ACOXL: variants seen among roughly 807,000 people sequenced by gnomAD.
ACOXL encodes acyl-CoA oxidase like.
A neutral mutation model predicts 71.9 loss-of-function variants in ACOXL; 70 were observed. The ratio of observed to expected loss-of-function variants is 0.97; its 90% CI spans 0.80 to 1.19. ACOXL has a LOEUF of 1.19. Ranked by LOEUF, ACOXL falls within the 50% of genes most tolerant of loss-of-function variation. The probability of loss-of-function intolerance (pLI) is 0.00; values close to 1 mark genes in which losing one functional copy is unlikely to be tolerated. For missense variants in ACOXL, 703 were observed against 736.3 expected (o/e 0.95, Z 0.52); for synonymous variants, 253 against 281.6 (o/e 0.90, Z 1.02).
At chr2:110,986,000 GAA>G (rs1311849197) in intron 12 of ACOXL, among the ~76,000 whole-genome samples, 11 of 152,150 alleles carry the variant, frequency 7.2e-5, no homozygotes, top group African/African-American at 2.7e-4. Flanking sequence ...TTATTCTCAG[GAA>G]ATAATACAAA....
At chr2:111,042,454 T>C (rs1294372162) in intron 15 of ACOXL, among the ~76,000 whole-genome samples, 2 of 152,210 alleles carry the variant, frequency 1.3e-5, no homozygotes, top group Admixed American at 1.3e-4. Context: ...CCATTGGTGC[T>C]GGGTCTTGAA....
chr2:110,995,235 C>T (rs2063338564), intron 13 of ACOXL, among the ~76,000 whole-genome samples: 1 of 151,408 alleles, frequency 6.6e-6, no homozygotes, highest in South Asian at 2.1e-4. Flanking sequence ...CACAGTGGCT[C>T]ATGCCTGTAA....
At chr2:110,820,809 G>C (rs1688507816) in intron 9 of ACOXL, among the ~76,000 whole-genome samples, 1 of 152,176 alleles carries the variant, frequency 6.6e-6, no homozygotes, top group African/African-American at 2.4e-5. Context: ...TCACCAATTG[G>C]GTTGCAGAAG....
intron 11 of ACOXL, among the ~76,000 whole-genome samples, chr2:110,911,164 C>T (rs7580435): frequency 0.082 from 12,454 of 151,928 alleles, 674 homozygotes; most frequent in Middle Eastern, 0.14. Context: ...AAACAAACTA[C>T]CAAAATATAA....
chr2:110,810,519 C>CCCAT (rs1559293206), intron 9 of ACOXL, among the ~76,000 whole-genome samples: 2 of 151,556 alleles, frequency 1.3e-5, no homozygotes, highest in Admixed American at 1.3e-4. Context: ...TCACCCACCA[C>CCCAT]CCATCCATCC....
intron 9 of ACOXL, among the ~76,000 whole-genome samples, chr2:110,839,971 G>GGCTTGTTGTTGTTGTT (rs1690937867): frequency 6.7e-6 from 1 of 149,638 alleles, no homozygotes; most frequent in Non-Finnish European, 1.5e-5. Flanking sequence ...ATGATGCTTA[G>GGCTTGTTGTTGTTGTT]GTTTGTTGTT....
chr2:110,885,450 C>T (rs1393927398), intron 10 of ACOXL, among the ~76,000 whole-genome samples: 2 of 152,060 alleles, frequency 1.3e-5, no homozygotes, highest in Non-Finnish European at 2.9e-5. Flanking sequence ...TTTGTTTAGT[C>T]ACCACTATTT....
chr2:111,006,020 G>A (rs1318811180), intron 14 of ACOXL, among the ~76,000 whole-genome samples: 1 of 152,162 alleles, frequency 6.6e-6, no homozygotes, highest in Non-Finnish European at 1.5e-5. Context: ...CAATCTCATG[G>A]CACAGAAATA....
chr2:110,808,810 T>C (rs1686970206), intron 9 of ACOXL, among the ~76,000 whole-genome samples: 1 of 152,214 alleles, frequency 6.6e-6, no homozygotes, highest in Admixed American at 6.5e-5. Flanking sequence ...CAGCATGTAT[T>C]ACAACTCATG....
At chr2:110,771,313 A>G (rs1157801274) in intron 2 of ACOXL, among the ~76,000 whole-genome samples, 1 of 152,202 alleles carries the variant, frequency 6.6e-6, no homozygotes, top group African/African-American at 2.4e-5. Context: ...GAAGTGTTAC[A>G]TGATTCATCC....
intron 2 of ACOXL, among the ~76,000 whole-genome samples, chr2:110,780,488 C>T (rs1011045360): frequency 6.6e-6 from 1 of 152,142 alleles, no homozygotes; most frequent in African/African-American, 2.4e-5. Flanking sequence ...AAGGTTTGTA[C>T]ACAAATGTTT....
intron 16 of ACOXL, among the ~76,000 whole-genome samples, chr2:111,065,801 C>G (rs2067041785): frequency 1.3e-5 from 2 of 152,106 alleles, no homozygotes; most frequent in African/African-American, 4.8e-5. Context: ...AGATTAAAAC[C>G]ATAATAAGAT....
chr2:111,011,672 C>T (rs2064164602), intron 14 of ACOXL, among the ~76,000 whole-genome samples: 1 of 151,980 alleles, frequency 6.6e-6, no homozygotes, highest in Admixed American at 6.6e-5. Context: ...CGCTTGAGCC[C>T]AGGAGTTTGA....
chr2:111,061,836 G>C (rs532078040), intron 16 of ACOXL, among the ~76,000 whole-genome samples: 18 of 151,946 alleles, frequency 1.2e-4, no homozygotes, highest in African/African-American at 4.1e-4. Flanking sequence ...AAACTACTCA[G>C]AGAGATGCAC....
intron 11 of ACOXL, among the ~76,000 whole-genome samples, chr2:110,927,253 C>A (rs778788957): frequency 6.6e-5 from 10 of 152,184 alleles, no homozygotes; most frequent in Non-Finnish European, 1.5e-4. Flanking sequence ...ATTCAATCAC[C>A]TCTCGCCAGG....
intron 1 of ACOXL, among the ~76,000 whole-genome samples, chr2:110,741,790 T>C (rs1200614720): frequency 6.6e-6 from 1 of 152,176 alleles, no homozygotes; most frequent in African/African-American, 2.4e-5. Context: ...ACCAATCTCT[T>C]ATCTGTGGTT....
At chr2:110,860,167 A>G (rs558068203) in intron 10 of ACOXL, among the ~76,000 whole-genome samples, 9 of 152,122 alleles carry the variant, frequency 5.9e-5, no homozygotes, top group Non-Finnish European at 1.0e-4. Context: ...CTGGAGTGCA[A>G]TGGTGCCATC....
At chr2:110,818,249 T>C (rs1362172390) in intron 9 of ACOXL, among the ~76,000 whole-genome samples, 1 of 151,424 alleles carries the variant, frequency 6.6e-6, no homozygotes, top group African/African-American at 2.4e-5. Context: ...AAAATTAGCC[T>C]GGTGTGGTAT....
chr2:110,825,189 C>T (rs1254323694), intron 9 of ACOXL, among the ~76,000 whole-genome samples: 4 of 152,238 alleles, frequency 2.6e-5, no homozygotes, highest in African/African-American at 7.2e-5. Context: ...TCCTCACACT[C>T]CAGTGACCAT....
Sources: allele counts gnomAD v4.1 joint callset (sites outside exome capture counted in the v4.1 genomes callset), GRCh38; gene constraint gnomAD v4.1.1; transcripts MANE v1.5; gene names NCBI Gene and HGNC (gene_info 2026-07-23, HGNC 2026-07-21).